The following ING5 variants were observed in gnomAD, a reference collection of about 807,000 sequenced individuals.
ING5 encodes inhibitor of growth protein 5.
In ING5, 17 loss-of-function variants were observed where a neutral mutation model predicts 37.4. That is an observed-to-expected ratio of 0.45 (90% CI 0.31 to 0.68). The LOEUF is 0.68. ING5 is among the 30% of genes least tolerant of loss of function. The pLI, the probability that ING5 is intolerant of heterozygous loss-of-function variation, is 0.05. For missense variants in ING5, 233 were observed against 311.9 expected (o/e 0.75, Z 1.91); for synonymous variants, 123 against 116.6 (o/e 1.06, Z -0.36).
intron 7 of ING5, among the ~76,000 whole-genome samples, chr2:241,724,332 G>A (rs1183323667): frequency 6.6e-6 from 1 of 152,222 alleles, no homozygotes; most frequent in African/African-American, 2.4e-5. Flanking sequence ...TGCGGCTGGG[G>A]GATGGTGCAC....
chr2:241,721,608 C>T (rs1054236826), intron 5 of ING5: 131 of 985,296 alleles, frequency 1.3e-4, no homozygotes, highest in Non-Finnish European at 1.5e-4. Context: ...TTTCCCTGAT[C>T]GTGACTGTTT....
chr2:241,709,364 C>T lies in ING5; in HGVS notation c.258C>T (p.Ala86=), dbSNP rs1226626750. 6.2e-7 allele frequency: 1 copy of T among 1,613,346 alleles called. No individual in the cohort carries two copies. Among genetic ancestry groups the T allele is most frequent in the Non-Finnish European group, 8.5e-7 (1 of 1,179,798 alleles). ...ACAGTGACGACAAAGTGCAGCTGGC[C>T]ATGCAGACCTACGAGATGGTGAGGG... ...KEYSDDKVQL[A]MQTYEMVDKH... The change falls in exon 3 of 8, where the codon GCC becomes GCT. Residue 86 remains alanine, a synonymous_variant. Transcript: ENST00000313552.
Position 241,725,220 on chromosome 2 carries a change from G to T in ING5, c.*189G>T. On this transcript the variant is annotated 3_prime_UTR_variant, in exon 8 of 8. Coordinates refer to ENST00000313552, the MANE Select transcript of ING5 (RefSeq NM_032329.6). ...TTCGCACAGAAGGGCGACCTTGCAGGGACTCGCCGCCGCGACCTCAGTGTG... is the reference window on the plus strand; with the variant it reads ...TTCGCACAGAAGGGCGACCTTGCAGTGACTCGCCGCCGCGACCTCAGTGTG... 1 of 640,038 alleles carries T rather than the reference G, an allele frequency of 1.6e-6. No individual in the cohort carries two copies. Among genetic ancestry groups the T allele is most frequent in the Non-Finnish European group, 2.8e-6 (1 of 361,368 alleles). 39.6% of individuals were successfully genotyped at this position (640,038 alleles called of 1,614,324 possible).
intron 5 of ING5, 27 bp from the exon 6 acceptor site, chr2:241,722,912 G>C: frequency 6.2e-7 from 1 of 1,612,620 alleles, no homozygotes; most frequent in Non-Finnish European, 8.5e-7. Flanking sequence ...ATGGCCTTCA[G>C]TGGTGCCTGT....
At chr2:241,693,895 G>GTGATCCACCCGCCTTGGCCTCCTAAAT (rs2069593724) in intron 2 of ING5, among the ~76,000 whole-genome samples, 2 of 150,840 alleles carry the variant, frequency 1.3e-5, no homozygotes, top group Non-Finnish European at 3.0e-5. Context: ...CTGACCTCAG[G>GTGATCCACCCGCCTTGGCCTCCTAAAT]TGATCCACCC....
intron 2 of ING5, among the ~76,000 whole-genome samples, chr2:241,693,652 CTTT>C (rs1185556171): frequency 2.7e-3 from 212 of 78,554 alleles, no homozygotes; most frequent in African/African-American, 9.0e-3. Context: ...AAATACAACT[CTTT>C]TTTTTTTTTT....
intron 5 of ING5, among the ~76,000 whole-genome samples, chr2:241,718,038 G>T (rs780412079): frequency 9.2e-5 from 14 of 152,098 alleles, no homozygotes; most frequent in Non-Finnish European, 1.8e-4. Context: ...TATGAGACAG[G>T]TTCAGGCTCT....
chr2:241,701,598 G>A (rs1207632943), upstream of ING5, among the ~76,000 whole-genome samples: 1 of 152,162 alleles, frequency 6.6e-6, no homozygotes, highest in Non-Finnish European at 1.5e-5. Flanking sequence ...CGCTGAGCCA[G>A]ACAGGTCCCA....
At chr2:241,715,499 G>T (rs1342973442) in intron 5 of ING5, among the ~76,000 whole-genome samples, 1 of 72,748 alleles carries the variant, frequency 1.4e-5, no homozygotes. Flanking sequence ...TTTTTTTTTG[G>T]TGAGACGGAG....
chr2:241,695,581 G>A (rs1356492690), intron 2 of ING5, among the ~76,000 whole-genome samples: 1 of 152,130 alleles, frequency 6.6e-6, no homozygotes, highest in African/African-American at 2.4e-5. Flanking sequence ...ACCTACTCAG[G>A]AGGCTGAGGC....
At chr2:241,707,022 C>T (rs1342715333) in intron 2 of ING5, among the ~76,000 whole-genome samples, 17 of 147,366 alleles carry the variant, frequency 1.2e-4, no homozygotes, top group Middle Eastern at 7.4e-3. Flanking sequence ...TGCGATGGCG[C>T]GATCTTGGCT....
Position 241,727,697 on chromosome 2 carries a change from T to TA in ING5, c.*2668dup, listed in dbSNP as rs1180079106. The TA allele has an allele frequency of 6.6e-6, 1 of 152,254 alleles. No homozygotes were observed. Among genetic ancestry groups the TA allele is most frequent in the Non-Finnish European group, 1.5e-5 (1 of 68,056 alleles). The allele number at this position is 152,254 out of a possible 1,614,324, so 9.4% of individuals were successfully genotyped here. On this transcript the variant is annotated 3_prime_UTR_variant, in exon 8 of 8. Transcript: ENST00000313552. ...TACCATTTTTGGGAAGAGGGATAGG[T>TA]AAGTGCAGGGAGTTTGTGCTGAAAC...
Position 241,711,504 on chromosome 2 carries a change from T to G in ING5, c.388+16T>G. 1 of 1,558,092 alleles carries G rather than the reference T, an allele frequency of 6.4e-7. No homozygotes were observed. The highest frequency in any genetic ancestry group is 8.7e-7 in the Non-Finnish European group (1 of 1,145,562). On this transcript the variant is annotated intron_variant, in intron 4 of 7. Transcript: ENST00000313552. Reference sequence around the variant, plus strand: ...GGGTTAAAAAGCAAGTCTGTTAATTTTTTTTCTTTATTTTATTACTGTTAA... The same window carrying G: ...GGGTTAAAAAGCAAGTCTGTTAATTGTTTTTCTTTATTTTATTACTGTTAA...
rs369391799 is a variant in ING5, at chr2:241,725,047, C to T, written c.*16C>T. 20 of 1,613,270 alleles carry T rather than the reference C, an allele frequency of 1.2e-5. No homozygotes were observed. The highest frequency in any genetic ancestry group is 2.7e-5 in the African/African-American group (2 of 74,912). ...GAAGAAGTAGGAGGAGCTGTGTGCC[C>T]GGATCCGAGGAGCAAGTTAATCTGT... On this transcript the variant is annotated 3_prime_UTR_variant, in exon 8 of 8. Transcript: ENST00000313552.
In ING5 at chr2:241,724,436, T is replaced by TG. The variant is rs376614668; in HGVS notation, c.681-552dup. Among the ~76,000 whole-genome samples, 333 of 152,064 alleles carry TG rather than the reference T, an allele frequency of 2.2e-3. 1 individual carries two copies. Among genetic ancestry groups the TG allele is most frequent in the African/African-American group, 7.5e-3 (312 of 41,470 alleles). ...AGGCGGTGGTTGACGGTTGCCGTCA[T>TG]GCGAGTCGGCTGCCTCCTGCGTGGG... On this transcript the variant is annotated intron_variant, in intron 7 of 7. Transcript: ENST00000313552.
chr2:241,712,365 T>C, intron 5 of ING5: 2 of 339,666 alleles, frequency 5.9e-6, no homozygotes, highest in Non-Finnish European at 1.1e-5. Flanking sequence ...TTAGCCACAG[T>C]GTGTGCTGCC....
rs1553590889 is a variant in ING5 at position 241,725,029 on chromosome 2, T to G, written c.721T>G (p.Ter241GluextTer12). Residue 241 changes from the stop codon to glutamate (E), a stop_lost, in exon 8 of 8, where the codon TAG becomes GAG. Coordinates refer to ENST00000313552, the MANE Select transcript of ING5 (RefSeq NM_032329.6). ...TGTCCAGGAAAAGAGGAAGAAGAAG[T>G]AGGAGGAGCTGTGTGCCCGGATCCG... is the stretch of plus-strand genomic sequence containing the variant. ...RCVQEKRKKK* is the reference protein window; with the variant it reads ...RCVQEKRKKKE The G allele has an allele frequency of 9.3e-6, 15 of 1,614,024 alleles. No homozygotes were observed. The highest frequency in any genetic ancestry group is 3.3e-5 in the South Asian group (3 of 91,084).
chr2:241,715,559 T>C (rs2070241936), intron 5 of ING5, among the ~76,000 whole-genome samples: 1 of 144,976 alleles, frequency 6.9e-6, no homozygotes, highest in Admixed American at 7.2e-5. Context: ...CTTGGCTCAC[T>C]GCAACCTCCA....
intron 2 of ING5, among the ~76,000 whole-genome samples, chr2:241,692,156 C>T (rs2069565980): frequency 6.6e-6 from 1 of 152,152 alleles, no homozygotes; most frequent in Admixed American, 6.6e-5. Context: ...CACGCAGCAC[C>T]AGTCATGTGG....
Sources: allele counts gnomAD v4.1 joint callset (sites outside exome capture counted in the v4.1 genomes callset), GRCh38; gene constraint gnomAD v4.1.1; transcripts MANE v1.5; gene names NCBI Gene and HGNC (gene_info 2026-07-23, HGNC 2026-07-21).